PKP4: variants seen among roughly 807,000 people sequenced by gnomAD.
PKP4 encodes the protein plakophilin 4.
PKP4 carries 90 observed loss-of-function variants against 145.1 expected under a neutral mutation model. That is an observed-to-expected ratio of 0.62 (90% confidence interval 0.52 to 0.74). The LOEUF (loss-of-function observed/expected upper bound fraction) is 0.74. Ranked by LOEUF, PKP4 falls within the 30% of genes least tolerant of loss-of-function variation. PKP4 has a pLI of 0.00. For missense variants in PKP4, 1,340 were observed against 1,482.7 expected, an observed-to-expected ratio of 0.90 and a Z score of 1.58; for synonymous variants, 563 against 577.2, an observed-to-expected ratio of 0.98 and a Z score of 0.35.
intron 9 of PKP4, among the ~76,000 whole-genome samples, chr2:158,636,522 G>A (rs1418705007): frequency 6.6e-6 from 1 of 152,080 alleles, no homozygotes; most frequent in African/African-American, 2.4e-5. Flanking sequence ...CCTGCTTAGG[G>A]TTCACTGAGA....
Position 158,640,764 on chromosome 2 carries a change from A to G in PKP4, c.1695+5A>G. The G allele has an allele frequency of 1.9e-6, 3 of 1,614,010 alleles. No individual in the cohort carries two copies. Among genetic ancestry groups the G allele is most frequent in the Non-Finnish European group, 2.5e-6 (3 of 1,179,874 alleles). On this transcript the variant is annotated splice_donor_5th_base_variant and intron_variant, in intron 10 of 21. Transcript: ENST00000389759. Reference sequence around the variant, plus strand: ...GACAACAAAGTGAAGATGGAGGTACAGGACATGGTGCCTGGGATGACTGGG... The same window carrying G: ...GACAACAAAGTGAAGATGGAGGTACGGGACATGGTGCCTGGGATGACTGGG...
At chr2:158,517,528 A>G (rs1289333581) in intron 1 of PKP4, among the ~76,000 whole-genome samples, 1 of 152,136 alleles carries the variant, frequency 6.6e-6, no homozygotes, top group African/African-American at 2.4e-5. Flanking sequence ...GGTCTTATTT[A>G]TCTTTGTACT....
intron 3 of PKP4, among the ~76,000 whole-genome samples, chr2:158,589,553 T>A (rs2049078744): frequency 6.6e-6 from 1 of 152,206 alleles, no homozygotes; most frequent in South Asian, 2.1e-4. Context: ...GCGCTTGATA[T>A]TTCTATTCCT....
chr2:158,545,179 C>G (rs914207327), intron 2 of PKP4, among the ~76,000 whole-genome samples: 3 of 142,650 alleles, frequency 2.1e-5, no homozygotes, highest in Non-Finnish European at 4.5e-5. Flanking sequence ...CATCACTTCC[C>G]CCTTTGGGGG....
chr2:158,644,896 A>G (rs1035493414), intron 11 of PKP4, among the ~76,000 whole-genome samples: 3 of 152,138 alleles, frequency 2.0e-5, no homozygotes, highest in Non-Finnish European at 4.4e-5. Flanking sequence ...GCCTTTTTTC[A>G]TGCTTGAGAT....
At chr2:158,518,546 C>A (rs1434314328) in intron 1 of PKP4, among the ~76,000 whole-genome samples, 1 of 152,034 alleles carries the variant, frequency 6.6e-6, no homozygotes, top group Non-Finnish European at 1.5e-5. Flanking sequence ...CAGCTCCTCA[C>A]TCCTCTCATG....
intron 1 of PKP4, among the ~76,000 whole-genome samples, chr2:158,528,658 A>C (rs2043203253): frequency 8.1e-6 from 1 of 123,408 alleles, no homozygotes; most frequent in Non-Finnish European, 1.7e-5. Context: ...AAGAAAAGAA[A>C]CTTACTAAAT....
chr2:158,511,099 G>A (rs1221375734), intron 1 of PKP4, among the ~76,000 whole-genome samples: 10 of 152,130 alleles, frequency 6.6e-5, no homozygotes, highest in Admixed American at 5.9e-4. Context: ...CGAAACTCAC[G>A]TCAGGGGCTG....
intron 1 of PKP4, among the ~76,000 whole-genome samples, chr2:158,469,567 A>G (rs1559182364): frequency 1.3e-5 from 2 of 152,184 alleles, no homozygotes; most frequent in East Asian, 3.9e-4. Flanking sequence ...TTGAAGGTCA[A>G]ATCTTTATTT....
At chr2:158,530,766 A>G (rs191554824) in intron 1 of PKP4, among the ~76,000 whole-genome samples, 6 of 152,166 alleles carry the variant, frequency 3.9e-5, no homozygotes, top group African/African-American at 7.2e-5. Context: ...AACGACAGGT[A>G]CCATTGGCTT....
intron 2 of PKP4, among the ~76,000 whole-genome samples, chr2:158,571,794 G>C (rs575850661): frequency 6.6e-6 from 1 of 152,288 alleles, no homozygotes; most frequent in South Asian, 2.1e-4. Flanking sequence ...GATGAAGTAT[G>C]ACCTGCTTTC....
At chr2:158,620,532 T>A (rs2052119131) in intron 4 of PKP4, among the ~76,000 whole-genome samples, 1 of 152,176 alleles carries the variant, frequency 6.6e-6, no homozygotes, top group Non-Finnish European at 1.5e-5. Flanking sequence ...GTAAGTGACA[T>A]GAAATATAAC....
At chr2:158,668,369 G>A (rs1411035984) in intron 16 of PKP4, among the ~76,000 whole-genome samples, 3 of 151,986 alleles carry the variant, frequency 2.0e-5, no homozygotes, top group Non-Finnish European at 4.4e-5. Flanking sequence ...TTCATCATCA[G>A]CACTAGCAAA....
chr2:158,612,662 T>G (rs2051244484), intron 4 of PKP4, among the ~76,000 whole-genome samples: 1 of 152,224 alleles, frequency 6.6e-6, no homozygotes, highest in African/African-American at 2.4e-5. Context: ...CATGATTATT[T>G]AAAATTTTAA....
At chr2:158,495,557 C>T (rs1301204474) in intron 1 of PKP4, among the ~76,000 whole-genome samples, 3 of 151,830 alleles carry the variant, frequency 2.0e-5, no homozygotes, top group South Asian at 4.2e-4. Flanking sequence ...AAGGAGTGTC[C>T]GGGTGCCGTG....
chr2:158,544,886 C>T (rs879486440), intron 2 of PKP4, among the ~76,000 whole-genome samples: 12 of 152,104 alleles, frequency 7.9e-5, no homozygotes, highest in Non-Finnish European at 1.6e-4. Flanking sequence ...TTTAAGGAAG[C>T]TAGAGCTTAA....
chr2:158,539,919 G>A (rs2044368807), intron 2 of PKP4, among the ~76,000 whole-genome samples: 1 of 152,134 alleles, frequency 6.6e-6, no homozygotes, highest in South Asian at 2.1e-4. Flanking sequence ...TGTTAACGAT[G>A]CAGGGTGTCC....
chr2:158,565,552 G>A (rs2046904407), intron 2 of PKP4, among the ~76,000 whole-genome samples: 1 of 149,744 alleles, frequency 6.7e-6, no homozygotes, highest in Admixed American at 6.8e-5. Flanking sequence ...TAAGGGTAAC[G>A]AAAAATAAAA....
chr2:158,610,243 A>G (rs2105868481), intron 4 of PKP4, among the ~76,000 whole-genome samples: 1 of 152,262 alleles, frequency 6.6e-6, no homozygotes. Flanking sequence ...AGGGAATGTT[A>G]TGTTAGCGCT....
Sources: allele counts gnomAD v4.1 joint callset (sites outside exome capture counted in the v4.1 genomes callset), GRCh38; gene constraint gnomAD v4.1.1; transcripts MANE v1.5; gene names NCBI Gene and HGNC (gene_info 2026-07-23, HGNC 2026-07-21).